The following ZNF789 variants were observed in gnomAD, a reference collection of about 807,000 sequenced individuals.
ZNF789 encodes zinc finger protein 789.
ZNF789 carries 11 observed loss-of-function variants against 15.6 expected under a neutral mutation model. The observed-to-expected ratio is 0.70, with a 90% CI of 0.44 to 1.16. ZNF789 has a LOEUF of 1.16. Among genes scored for constraint, ZNF789 ranks in the 50% most tolerant of loss-of-function variants. The pLI is 0.00. For missense variants in ZNF789, 461 were observed against 512.6 expected, an observed-to-expected ratio of 0.90 and a Z score of 0.97; for synonymous variants, 159 against 176.0, an observed-to-expected ratio of 0.90 and a Z score of 0.76.
At chr7:99,483,555 T>C in intron 3 of ZNF789, 1 of 600,078 alleles carries the variant, frequency 1.7e-6, no homozygotes, top group Non-Finnish European at 3.0e-6. Flanking sequence ...TACTTGATCC[T>C]GGGAGGCAGA....
chr7:99,476,553 C>A, intron 2 of ZNF789, 73 bp downstream of exon 2: 1 of 1,579,604 alleles, frequency 6.3e-7, no homozygotes, highest in Non-Finnish European at 8.6e-7. Flanking sequence ...AGACTGAGCC[C>A]TCTTGATCAA....
In ZNF789 at chr7:99,484,093, T is replaced by C; in HGVS notation, c.215T>C (p.Leu72Pro). Residue 72 changes from leucine to proline, a missense_variant, in exon 4 of 5, where the codon CTG becomes CCG. Physicochemically the swap from Leu to Pro is moderately conservative, Grantham distance 98. Transcript: ENST00000331410. ...QLENWDEQWI[L>P]DLPRTGNRKA... is the part of the protein sequence containing the mutation. The stretch of plus-strand genomic sequence containing the variant: ...GAGAACTGGGACGAGCAGTGGATCC[T>C]GGATCTACCGAGAACTGGGAATAGG... The C allele has an allele frequency of 1.2e-6, 2 of 1,614,082 alleles. No homozygotes were observed. The highest frequency in any genetic ancestry group is 8.5e-7 in the Non-Finnish European group (1 of 1,179,998).
At chr7:99,476,633 T>C (rs1174771105) in intron 2 of ZNF789, among the ~76,000 whole-genome samples, 153 bp downstream of exon 2, 1 of 152,224 alleles carries the variant, frequency 6.6e-6, no homozygotes, top group Non-Finnish European at 1.5e-5. Flanking sequence ...TGGGCTTCCT[T>C]CAGTTACATA....
chr7:99,487,513 A>G lies in ZNF789; in HGVS notation c.*25A>G, dbSNP rs1243651503. 1.3e-6 allele frequency: 2 copies of G among 1,585,688 alleles called. No homozygotes were observed. Among genetic ancestry groups the G allele is most frequent in the Non-Finnish European group, 1.7e-6 (2 of 1,166,508 alleles). ...ATGTTAATTGGAAAGCAGTCATTGG[A>G]GAACTAGAACTTATAAACCTCTACT... is the stretch of plus-strand genomic sequence containing the variant. On this transcript the variant is annotated 3_prime_UTR_variant, in exon 5 of 5. Transcript: ENST00000331410.
chr7:99,479,852 C>A, intron 3 of ZNF789, 65 bp downstream of exon 3: 1 of 1,484,008 alleles, frequency 6.7e-7, no homozygotes. Context: ...CCCTTAGTCC[C>A]TTATCTGCAA....
In ZNF789 at chr7:99,481,992, C is replaced by G. The variant is rs969549832; in HGVS notation, c.152-2038C>G. The G allele has an allele frequency of 9.8e-6, 6 of 610,516 alleles. No homozygotes were observed. In the African/African-American group the frequency reaches 1.1e-4, roughly 11 times the overall value. The allele number at this position is 610,516 out of a possible 1,614,324, so 37.8% of individuals were successfully genotyped here. The stretch of plus-strand genomic sequence containing the variant: ...ATCCCTTATCCAAAATGCTGGGGAC[C>G]AAAAGTGTTTTGGATTTCGGATTTT... On this transcript the variant is annotated intron_variant, in intron 3 of 4. Transcript: ENST00000331410.
At chr7:99,478,697 C>A in intron 2 of ZNF789, 8 of 313,468 alleles carry the variant, frequency 2.6e-5, no homozygotes, top group South Asian at 2.1e-4. Context: ...AGGGGGCAGT[C>A]ACTTGCAGAT....
At chr7:99,482,116 G>A (rs757627256) in intron 3 of ZNF789, 1 of 779,736 alleles carries the variant, frequency 1.3e-6, no homozygotes, top group South Asian at 1.3e-5. Context: ...TAGACATGTA[G>A]CTTCTTCAAG....
At chr7:99,475,363 C>T (rs942018144) in intron 1 of ZNF789, among the ~76,000 whole-genome samples, 4 of 151,910 alleles carry the variant, frequency 2.6e-5, no homozygotes, top group African/African-American at 9.7e-5. Context: ...CCATTGTACT[C>T]CAGCCTGCAC....
chr7:99,484,630 T>C (rs1460519516), intron 4 of ZNF789, among the ~76,000 whole-genome samples: 9 of 150,702 alleles, frequency 6.0e-5, no homozygotes, highest in African/African-American at 1.5e-4. Flanking sequence ...TTAAAAAATA[T>C]ATATATATAT....
In ZNF789 at chr7:99,479,671, C is replaced by T. The variant is rs764006874; in HGVS notation, c.35C>T (p.Ser12Leu). Residue 12 changes from serine to leucine, a missense_variant, in exon 3 of 5, where the codon TCG becomes TTG. Coordinates refer to ENST00000331410, the MANE Select transcript of ZNF789 (RefSeq NM_213603.3). ...FPPARGKELL[S>L]FEDVAMYFTR... ...CAGCTACTTTTCCAGGAGCTGCTCT[C>T]GTTTGAGGATGTGGCGATGTACTTC... 6 of 1,598,910 alleles carry T rather than the reference C, an allele frequency of 3.8e-6. No homozygotes were observed. Among genetic ancestry groups the T allele is most frequent in the East Asian group, 2.3e-5 (1 of 44,334 alleles).
rs753510778 is a variant in ZNF789 at position 99,486,906 on chromosome 7, G to A, written c.696G>A (p.Lys232=). 2.5e-6 allele frequency: 4 copies of A among 1,613,966 alleles called. No individual in the cohort carries two copies. Among genetic ancestry groups the A allele is most frequent in the Non-Finnish European group, 3.4e-6 (4 of 1,180,052 alleles). ...TTTTAGAGAATCCTTTTGAGTGTAA[G>A]GTCTGTGGGCAAGCCTTCAGACAGC... ...IHFLENPFEC[K]VCGQAFRQRS... Residue 232 remains lysine (K), a synonymous_variant, in exon 5 of 5, where the codon AAG becomes AAA. Coordinates refer to ENST00000331410, the MANE Select transcript of ZNF789 (RefSeq NM_213603.3).
At chr7:99,476,536 C>T (rs1799343351) in intron 2 of ZNF789, 56 bp downstream of exon 2, 2 of 1,600,512 alleles carry the variant, frequency 1.2e-6, no homozygotes, top group Non-Finnish European at 1.7e-6. Flanking sequence ...CCAGCAGCTC[C>T]TTCCTCAGAC....
At chr7:99,477,138 G>T (rs1799379539) in intron 2 of ZNF789, among the ~76,000 whole-genome samples, 1 of 152,038 alleles carries the variant, frequency 6.6e-6, no homozygotes, top group Non-Finnish European at 1.5e-5. Flanking sequence ...TGCCTCCCGG[G>T]TTCAAGTGAT....
chr7:99,476,596 G>A, intron 2 of ZNF789, 116 bp downstream of exon 2: 1 of 1,273,394 alleles, frequency 7.9e-7, no homozygotes, highest in Non-Finnish European at 1.1e-6. Flanking sequence ...ACAGTGCAAT[G>A]TAGAGAGCTT....
At chr7:99,475,130 C>T (rs746705142) in intron 1 of ZNF789, among the ~76,000 whole-genome samples, 8 of 152,198 alleles carry the variant, frequency 5.3e-5, no homozygotes, top group Non-Finnish European at 1.0e-4. Context: ...CAGTGGCTCA[C>T]GCCTGTAATC....
intron 1 of ZNF789, among the ~76,000 whole-genome samples, chr7:99,474,837 C>T (rs990455063): frequency 6.6e-6 from 1 of 151,606 alleles, no homozygotes; most frequent in Non-Finnish European, 1.5e-5. Context: ...GAACTACAAA[C>T]AACTGGGCGT....
At position 99,486,556 on chromosome 7, in the gene ZNF789, G is replaced by A. The variant is rs372415005; in HGVS notation, c.346G>A (p.Val116Met). The change falls in exon 5 of 5, where the codon GTG (valine) becomes ATG (methionine). Residue 116 changes from valine (V) to methionine (M), a missense_variant. Val to Met is a conservative substitution (Grantham distance 21). Transcript: ENST00000331410. ...SEDLESYKIS[V>M]VMQESAEKLS... is the part of the protein sequence containing the mutation. The stretch of plus-strand genomic sequence containing the variant: ...AGATTTAGAGTCATATAAGATATCA[G>A]TGGTAATGCAGGAATCAGCTGAGAA... 6.2e-7 allele frequency: 1 copy of A among 1,614,090 alleles called. No individual in the cohort carries two copies. The highest frequency in any genetic ancestry group is 1.3e-5 in the African/African-American group (1 of 74,940).
intron 3 of ZNF789, 56 bp downstream of exon 3, chr7:99,479,843 C>T (rs752767313): frequency 4.0e-6 from 6 of 1,515,348 alleles, no homozygotes; most frequent in Non-Finnish European, 5.3e-6. Context: ...CTGTGCAAGC[C>T]CTTAGTCCCT....
Sources: gnomAD v4.1 joint callset for allele counts (sites outside exome capture counted in the v4.1 genomes callset) on GRCh38, gnomAD v4.1.1 for gene constraint, MANE v1.5 for transcripts, NCBI Gene and HGNC (gene_info 2026-07-23, HGNC 2026-07-21) for gene names.